Variants in PPFIA4 observed in about 807,000 individuals in gnomAD.
PPFIA4 encodes liprin-alpha-4.
Under a neutral mutation model 145.7 loss-of-function variants are expected in PPFIA4, and 98 were observed. That is an observed-to-expected ratio of 0.67 (90% CI 0.57 to 0.80). The LOEUF is 0.80. Ranked by LOEUF, PPFIA4 falls within the 30% of genes least tolerant of loss-of-function variation. The pLI is 0.00. For missense variants in PPFIA4, 1,457 were observed against 1,632.7 expected (o/e 0.89, Z 1.85); for synonymous variants, 628 against 649.6 (o/e 0.97, Z 0.51).
rs892766309 is a variant in PPFIA4, at chr1:203,056,514, T to C, written c.2240+6T>C. The C allele has an allele frequency of 5.0e-6, 8 of 1,612,714 alleles. No homozygotes were observed. In the Admixed American group the frequency reaches 8.4e-5, roughly 17 times the overall value. ...AGCCAGGAAGAAGGCAAGAGGTAAGTAGAGCAGACCCCACCTCCAGTCTCT... is the reference window on the plus strand; with the variant it reads ...AGCCAGGAAGAAGGCAAGAGGTAAGCAGAGCAGACCCCACCTCCAGTCTCT... On this transcript the variant is annotated splice_donor_region_variant and intron_variant, in intron 18 of 29. Coordinates refer to ENST00000295706, the MANE Select transcript of PPFIA4 (RefSeq NM_001304331.2).
chr1:203,071,578 G>A (rs566511929), intron 27 of PPFIA4, 114 bp from the exon 28 acceptor site: 1,131 of 793,516 alleles, frequency 1.4e-3, no homozygotes, highest in Non-Finnish European at 1.8e-3. Context: ...TGGGCTAAAT[G>A]CACTGGAGCC....
chr1:203,043,711 G>A lies in PPFIA4; in HGVS notation c.336+213G>A, dbSNP rs573302889. On this transcript the variant is annotated intron_variant, in intron 3 of 29. Coordinates refer to ENST00000295706, the MANE Select transcript of PPFIA4 (RefSeq NM_001304331.2). This position sits in a 1 kb window ranked among gnomAD's most constrained non-coding sequence, Gnocchi z 4.4. ...CTGGGCTCTCCACCTGTAGTTGCTG[G>A]TTCACAGAAAGCTCAGGGTCCTGGG... 6.6e-6 allele frequency among the ~76,000 whole-genome samples: 1 copy of A among 152,282 alleles called. No individual in the cohort carries two copies. Among genetic ancestry groups the A allele is most frequent in the South Asian group, 2.1e-4 (1 of 4,820 alleles).
rs528981941 is a variant in PPFIA4, at chr1:203,042,598, T to C, written c.235-799T>C. On this transcript the variant is annotated intron_variant, in intron 2 of 29. Coordinates refer to ENST00000295706, the MANE Select transcript of PPFIA4 (RefSeq NM_001304331.2). Reference sequence around the variant, plus strand: ...CTCCCTGGGGCACTCATGCAGGCATTATCTTCAAAAGCTCTTTCTCTTCCC... The same window carrying C: ...CTCCCTGGGGCACTCATGCAGGCATCATCTTCAAAAGCTCTTTCTCTTCCC... Among the ~76,000 whole-genome samples, 4 of 152,328 alleles carry C rather than the reference T, an allele frequency of 2.6e-5. No homozygotes were observed. In the East Asian group the frequency reaches 7.7e-4, roughly 29 times the overall value.
chr1:203,032,853 G>A (rs1658951231), intron 1 of PPFIA4, among the ~76,000 whole-genome samples: 3 of 152,160 alleles, frequency 2.0e-5, no homozygotes, highest in South Asian at 2.1e-4. Context: ...GTGGTTTACT[G>A]TCTAAACCAT....
chr1:203,071,435 T>TGCTGAGATTACAGGCGTGAGCCACCGG (rs373961170), intron 27 of PPFIA4, among the ~76,000 whole-genome samples: 1 of 151,270 alleles, frequency 6.6e-6, no homozygotes. Context: ...CCTCCCAAAG[T>TGCTGAGATTACAGGCGTGAGCCACCGG]GCCCGGCCAC....
At chr1:203,052,943 G>C (rs1660638266) in intron 14 of PPFIA4, among the ~76,000 whole-genome samples, 1 of 152,246 alleles carries the variant, frequency 6.6e-6, no homozygotes, top group African/African-American at 2.4e-5. Flanking sequence ...CAGCCTTTGA[G>C]TTTGTATGGA....
rs1202560891 is a variant in PPFIA4 at position 203,055,668 on chromosome 1, C to A, written c.2066C>A (p.Thr689Asn). The change falls in exon 16 of 30, where the codon ACC (threonine) becomes AAC (asparagine). Residue 689 changes from threonine to asparagine, a missense_variant. This residue lies in a region of PPFIA4 where 848 missense variants were observed against 1,046.7 expected (regional missense o/e 0.81). Transcript: ENST00000295706. This position sits in a 1 kb window ranked among gnomAD's most constrained non-coding sequence, Gnocchi z 4.8. ...GACCTGGACCGAATGGGGGTCATGACCCTGGTGAGAGGCAGCTGAGGAGCA... is the reference window on the plus strand; with the variant it reads ...GACCTGGACCGAATGGGGGTCATGAACCTGGTGAGAGGCAGCTGAGGAGCA... The part of the protein sequence containing the change: ...AQDLDRMGVM[T>N]LPSDLRKHRR... 1 of 1,613,744 alleles carries A rather than the reference C, an allele frequency of 6.2e-7. No homozygotes were observed. The highest frequency in any genetic ancestry group is 1.1e-5 in the South Asian group (1 of 91,066).
At chr1:203,038,399 G>A (rs1485126710) in intron 1 of PPFIA4, among the ~76,000 whole-genome samples, 1 of 152,214 alleles carries the variant, frequency 6.6e-6, no homozygotes, top group East Asian at 1.9e-4. Context: ...TGGGGAGCAG[G>A]GGGAGGCAGA....
At chr1:203,073,451 G>A (rs912537478) in intron 28 of PPFIA4, among the ~76,000 whole-genome samples, 2 of 152,162 alleles carry the variant, frequency 1.3e-5, no homozygotes. Context: ...AGAGAGGAGG[G>A]TTTTTGTGGG....
intron 13 of PPFIA4, chr1:203,051,271 G>A (rs1571697998): frequency 1.0e-6 from 1 of 985,854 alleles, no homozygotes; most frequent in Non-Finnish European, 1.2e-6. Flanking sequence ...TTTAACCAGG[G>A]ACTCAGTCCA....
chr1:203,069,516 T>A (rs541004447), intron 27 of PPFIA4, among the ~76,000 whole-genome samples: 1 of 152,362 alleles, frequency 6.6e-6, no homozygotes, highest in East Asian at 1.9e-4. Flanking sequence ...TAGGCTTTCC[T>A]CATATAGACT....
chr1:203,060,874 G>A lies in PPFIA4; in HGVS notation c.2785-96G>A. The stretch of plus-strand genomic sequence containing the variant: ...ACCAGCCCCCATTTCAGAGGACTCA[G>A]GGAGGGAGCTTTGTCCTTGTCCTTT... On this transcript the variant is annotated intron_variant, in intron 22 of 29. Coordinates refer to ENST00000295706, the MANE Select transcript of PPFIA4 (RefSeq NM_001304331.2). This position sits in a 1 kb window ranked among gnomAD's most constrained non-coding sequence, Gnocchi z 4.8. 9.0e-7 allele frequency: 1 copy of A among 1,105,040 alleles called. No homozygotes were observed. The highest frequency in any genetic ancestry group is 1.4e-6 in the Non-Finnish European group (1 of 725,950). 68.5% of individuals were successfully genotyped at this position (1,105,040 alleles called of 1,614,324 possible).
chr1:203,045,838 C>G lies in PPFIA4; in HGVS notation c.859-3C>G. 1 of 1,612,886 alleles carries G rather than the reference C, an allele frequency of 6.2e-7. No homozygotes were observed. Among genetic ancestry groups the G allele is most frequent in the Middle Eastern group, 1.7e-4 (1 of 6,060 alleles). On this transcript the variant is annotated splice_region_variant and splice_polypyrimidine_tract_variant and intron_variant, in intron 7 of 29. Transcript: ENST00000295706. ...CCGTCCTTCTTGTCCCCTCTTCTCC[C>G]AGGCTCTGGCCCAGAAGGAGGACAT...
intron 1 of PPFIA4, among the ~76,000 whole-genome samples, chr1:203,032,681 C>G (rs529804933): frequency 1.4e-5 from 2 of 147,904 alleles, no homozygotes; most frequent in Non-Finnish European, 3.0e-5. Context: ...CTCTTGGGCT[C>G]AAGCAGTCTT....
Position 203,044,444 on chromosome 1 carries a change from C to T in PPFIA4, c.567C>T (p.Ala189=). 6.4e-7 allele frequency: 1 copy of T among 1,551,082 alleles called. No homozygotes were observed. The highest frequency in any genetic ancestry group is 1.2e-5 in the South Asian group (1 of 84,086). ...VTTLEEQLAG[A]HQQVSALQQG... Reference sequence around the variant, plus strand: ...CCTTGGAGGAGCAGCTGGCAGGTGCCCACCAGCAGGTAATCTGCCTGCTCA... The same window carrying T: ...CCTTGGAGGAGCAGCTGGCAGGTGCTCACCAGCAGGTAATCTGCCTGCTCA... The change falls in exon 5 of 30, where the codon GCC becomes GCT. Residue 189 remains alanine (A), a synonymous_variant. Coordinates refer to ENST00000295706, the MANE Select transcript of PPFIA4 (RefSeq NM_001304331.2).
chr1:203,037,899 G>A (rs935825759), intron 1 of PPFIA4, among the ~76,000 whole-genome samples: 17 of 152,158 alleles, frequency 1.1e-4, no homozygotes, highest in Admixed American at 9.2e-4. Flanking sequence ...TGTGAACTCC[G>A]AATCCAAGCC....
rs753857706 is a variant in PPFIA4 at position 203,076,732 on chromosome 1, A to C, written c.*342A>C. On this transcript the variant is annotated 3_prime_UTR_variant, in exon 30 of 30. Transcript: ENST00000295706. ...TGGACCCAGCCTGGTCTGCACTGCA[A>C]CCTCCACCAGGACCAGGATCCTGGG... 3.0e-6 allele frequency: 1 copy of C among 332,756 alleles called. No homozygotes were observed. Among genetic ancestry groups the C allele is most frequent in the Non-Finnish European group, 5.6e-6 (1 of 179,166 alleles). The allele number at this position is 332,756 out of a possible 1,614,324, so 20.6% of individuals were successfully genotyped here.
Position 203,048,801 on chromosome 1 carries a change from G to A in PPFIA4, c.1356+87G>A. ...CGGGACTGTGATGGGCGCAGGCGGG[G>A]TCTCAATGGGGTGGGTGGCCAGCCT... On this transcript the variant is annotated intron_variant, in intron 11 of 29. Coordinates refer to ENST00000295706, the MANE Select transcript of PPFIA4 (RefSeq NM_001304331.2). This position sits in a 1 kb window ranked among gnomAD's most constrained non-coding sequence, Gnocchi z 5.8. The A allele has an allele frequency of 1.3e-6, 2 of 1,533,918 alleles. No individual in the cohort carries two copies. The highest frequency in any genetic ancestry group is 1.8e-6 in the Non-Finnish European group (2 of 1,136,654).
Position 203,077,122 on chromosome 1 carries a change from A to G in PPFIA4, c.*732A>G, listed in dbSNP as rs925504115. 18 of 152,278 alleles carry G rather than the reference A, an allele frequency of 1.2e-4. No individual in the cohort carries two copies. The highest frequency in any genetic ancestry group is 4.3e-4 in the African/African-American group (18 of 41,432). The allele number at this position is 152,278 out of a possible 1,614,324, so 9.4% of individuals were successfully genotyped here. ...CCTGAGCTCTGAGCCAAGGGTGAGG[A>G]TGGGGAAACTCTAAGCTCCCACCTA... On this transcript the variant is annotated 3_prime_UTR_variant, in exon 30 of 30. Transcript: ENST00000295706.
Sources: allele counts gnomAD v4.1 joint callset (sites outside exome capture counted in the v4.1 genomes callset), GRCh38; gene constraint gnomAD v4.1.1; regional missense constraint gnomAD v4.1.1; non-coding constraint Gnocchi (gnomAD v3.1); transcripts MANE v1.5; gene names NCBI Gene and HGNC (gene_info 2026-07-23, HGNC 2026-07-21).